Variants in KCND3 observed in about 807,000 individuals in gnomAD.
KCND3 encodes the protein potassium voltage-gated channel subfamily D member 3, also known as A-type voltage-gated potassium channel KCND3.
A neutral mutation model predicts 51.1 loss-of-function variants in KCND3; 9 were observed. That is an observed-to-expected ratio of 0.18 (90% CI 0.11 to 0.31). KCND3 has a LOEUF of 0.31. Among genes scored for constraint, KCND3 ranks in the 10% least tolerant of loss-of-function variants. The pLI is 1.00. For missense variants in KCND3, 526 were observed against 903.8 expected (o/e 0.58, Z 5.36); for synonymous variants, 349 against 368.0 (o/e 0.95, Z 0.59).
chr1:111,963,509 C>T (rs1009392537), intron 2 of KCND3, among the ~76,000 whole-genome samples: 21 of 152,220 alleles, frequency 1.4e-4, no homozygotes, highest in African/African-American at 4.6e-4. Flanking sequence ...ATAAGGGTTG[C>T]TGTGAAATGG....
intron 2 of KCND3, among the ~76,000 whole-genome samples, chr1:111,848,151 C>T (rs2101656876): frequency 1.3e-5 from 2 of 152,358 alleles, no homozygotes; most frequent in African/African-American, 4.8e-5. Context: ...TCATGGCCCA[C>T]TCCTCAGCCA....
At chr1:111,845,365 C>T (rs1036653643) in intron 2 of KCND3, among the ~76,000 whole-genome samples, 1 of 152,200 alleles carries the variant, frequency 6.6e-6, no homozygotes, top group Non-Finnish European at 1.5e-5. Flanking sequence ...ACTCCATCCA[C>T]TCCCAGCTAC....
intron 2 of KCND3, among the ~76,000 whole-genome samples, chr1:111,972,451 C>T (rs1364557927): frequency 4.6e-5 from 7 of 152,164 alleles, no homozygotes; most frequent in Admixed American, 2.0e-4. Flanking sequence ...GGATTACAGG[C>T]GTGAGCCCCC....
At chr1:111,859,202 A>C (rs1003103853) in intron 2 of KCND3, among the ~76,000 whole-genome samples, 1 of 152,238 alleles carries the variant, frequency 6.6e-6, no homozygotes, top group Non-Finnish European at 1.5e-5. Flanking sequence ...GCTATGTGTC[A>C]GGCTCCTGCT....
At chr1:111,929,780 C>G (rs1306501776) in intron 2 of KCND3, among the ~76,000 whole-genome samples, 2 of 152,170 alleles carry the variant, frequency 1.3e-5, no homozygotes, top group Non-Finnish European at 2.9e-5. Flanking sequence ...GTCCCCTCCC[C>G]CAGCAGACGC....
intron 2 of KCND3, among the ~76,000 whole-genome samples, chr1:111,810,215 C>A (rs1313387269): frequency 6.6e-6 from 1 of 152,216 alleles, no homozygotes. Context: ...TCACTTCTGG[C>A]TTTTATGTCC....
chr1:111,950,570 A>G (rs1268860307), intron 2 of KCND3, among the ~76,000 whole-genome samples: 1 of 152,248 alleles, frequency 6.6e-6, no homozygotes, highest in Non-Finnish European at 1.5e-5. Context: ...CTGCTGGAGC[A>G]CAGGAATGCA....
At chr1:111,916,330 C>A (rs1017925938) in intron 2 of KCND3, among the ~76,000 whole-genome samples, 2 of 151,910 alleles carry the variant, frequency 1.3e-5, no homozygotes, top group Non-Finnish European at 2.9e-5. Context: ...ACCCATAAGT[C>A]AAATTTAAAA....
intron 2 of KCND3, among the ~76,000 whole-genome samples, chr1:111,807,284 T>C (rs1014170730): frequency 6.6e-6 from 1 of 152,216 alleles, no homozygotes; most frequent in East Asian, 1.9e-4. Context: ...TCCTATAAAA[T>C]TGTGGTATCG....
At chr1:111,784,588 T>C (rs1011847167) in intron 3 of KCND3, among the ~76,000 whole-genome samples, 6 of 152,210 alleles carry the variant, frequency 3.9e-5, no homozygotes, top group Non-Finnish European at 1.5e-5. Context: ...GGCTGAGAAC[T>C]ATCATTAGTT....
At chr1:111,868,702 A>G (rs1207267411) in intron 2 of KCND3, among the ~76,000 whole-genome samples, 1 of 152,136 alleles carries the variant, frequency 6.6e-6, no homozygotes, top group Non-Finnish European at 1.5e-5. Context: ...TATCATTTCT[A>G]TTTTATAATT....
intron 2 of KCND3, among the ~76,000 whole-genome samples, chr1:111,931,543 G>C (rs746188312): frequency 2.0e-5 from 3 of 152,186 alleles, no homozygotes; most frequent in Non-Finnish European, 4.4e-5. Context: ...TCAAATCCTA[G>C]CATATCATTT....
At chr1:111,797,195 T>C (rs1029756191) in intron 2 of KCND3, among the ~76,000 whole-genome samples, 1 of 152,234 alleles carries the variant, frequency 6.6e-6, no homozygotes, top group South Asian at 2.1e-4. Flanking sequence ...GTTGGTGATC[T>C]GGGGACTACT....
chr1:111,812,045 G>T (rs931840053), intron 2 of KCND3, among the ~76,000 whole-genome samples: 3 of 152,192 alleles, frequency 2.0e-5, no homozygotes, highest in African/African-American at 7.2e-5. Flanking sequence ...GGAAATGGGG[G>T]ATGATGTTAA....
At chr1:111,925,191 A>G (rs1671648919) in intron 2 of KCND3, among the ~76,000 whole-genome samples, 1 of 152,230 alleles carries the variant, frequency 6.6e-6, no homozygotes, top group Non-Finnish European at 1.5e-5. Flanking sequence ...CCTGGCATTC[A>G]GCAACCCCAG....
In KCND3 at chr1:111,930,535, T is replaced by A. The variant is rs147148329; in HGVS notation, c.1106+51086A>T. Among the ~76,000 whole-genome samples the A allele has an allele frequency of 3.2e-3, 482 of 152,300 alleles. 3 individuals are homozygous for A. Among genetic ancestry groups the A allele is most frequent in the African/African-American group, 0.011 (465 of 41,558 alleles). On this transcript the variant is annotated intron_variant, in intron 2 of 7. Transcript: ENST00000302127. ...AGCCCCTGGACCTGGGTAAGGGGCTTCTGGTTCCTGTCCACCTGGCCCCAG... is the reference window on the plus strand; with the variant it reads ...AGCCCCTGGACCTGGGTAAGGGGCTACTGGTTCCTGTCCACCTGGCCCCAG...
At chr1:111,989,476 TC>T (rs1675513176) in intron 1 of KCND3, among the ~76,000 whole-genome samples, 28 bp downstream of exon 1, 1 of 151,734 alleles carries the variant, frequency 6.6e-6, no homozygotes, top group South Asian at 2.1e-4. Flanking sequence ...ACTTCCTGGC[TC>T]CAGAAGGCTC....
chr1:111,981,367 G>C lies in KCND3; in HGVS notation c.1106+254C>G, dbSNP rs1674937668. On this transcript the variant is annotated intron_variant, in intron 2 of 7. Transcript: ENST00000302127. The surrounding 1 kb of genome is among the most constrained non-coding windows in gnomAD (Gnocchi z 6.2). Reference sequence around the variant, plus strand: ...ACAAGGCATGGCTGAAAAAAGAATTGGTGACTTAATTTTCTTAGCTCTATA... The same window carrying C: ...ACAAGGCATGGCTGAAAAAAGAATTCGTGACTTAATTTTCTTAGCTCTATA... Among the ~76,000 whole-genome samples, 1 of 151,642 alleles carries C rather than the reference G, an allele frequency of 6.6e-6. No individual in the cohort carries two copies. The highest frequency in any genetic ancestry group is 2.4e-5 in the African/African-American group (1 of 41,236).
chr1:111,891,793 G>A (rs1286164142), intron 2 of KCND3, among the ~76,000 whole-genome samples: 1 of 152,166 alleles, frequency 6.6e-6, no homozygotes, highest in East Asian at 1.9e-4. Flanking sequence ...ATTGGTATCT[G>A]TACTTAGTTT....
Sources: allele counts gnomAD v4.1 joint callset (sites outside exome capture counted in the v4.1 genomes callset), GRCh38; gene constraint gnomAD v4.1.1; non-coding constraint Gnocchi (gnomAD v3.1); transcripts MANE v1.5; gene names NCBI Gene and HGNC (gene_info 2026-07-23, HGNC 2026-07-21).